The following PRDM11 variants were observed in gnomAD, a reference collection of about 807,000 sequenced individuals.
PRDM11 encodes the protein PR domain-containing protein 11.
A neutral mutation model predicts 97.8 loss-of-function variants in PRDM11; 20 were observed. The ratio of observed to expected loss-of-function variants is 0.20; its 90% CI spans 0.14 to 0.30. The LOEUF is 0.30. Among genes scored for constraint, PRDM11 ranks in the 10% least tolerant of loss-of-function variants. The pLI, the probability that PRDM11 is intolerant of heterozygous loss-of-function variation, is 1.00. For missense variants in PRDM11, 1,139 were observed against 1,555.2 expected (o/e 0.73, Z 4.50); for synonymous variants, 599 against 637.7 (o/e 0.94, Z 0.91).
intron 1 of PRDM11, among the ~76,000 whole-genome samples, chr11:45,164,175 G>A (rs1303966267): frequency 6.6e-6 from 1 of 152,222 alleles, no homozygotes; most frequent in Non-Finnish European, 1.5e-5. Flanking sequence ...CCAGCACCCC[G>A]CGGGTCCCCG....
intron 5 of PRDM11, among the ~76,000 whole-genome samples, chr11:45,215,306 T>C (rs922707734): frequency 2.6e-5 from 4 of 152,238 alleles, no homozygotes; most frequent in Non-Finnish European, 5.9e-5. Flanking sequence ...AGAGAGCTTC[T>C]CTCAGGCAGG....
At chr11:45,147,532 G>C (rs1310456405) in intron 1 of PRDM11, 1 of 152,174 alleles carries the variant, frequency 6.6e-6, no homozygotes, top group Non-Finnish European at 1.5e-5. Context: ...TAGACTCTTC[G>C]GGAAACCTCT....
At chr11:45,213,888 G>A (rs1057006615) in intron 5 of PRDM11, 8 of 374,696 alleles carry the variant, frequency 2.1e-5, no homozygotes, top group East Asian at 1.6e-4. Flanking sequence ...AGGAGGCAGG[G>A]GGCAGGTCTT....
chr11:45,180,672 C>CG (rs1406063388), intron 1 of PRDM11, among the ~76,000 whole-genome samples: 1 of 150,104 alleles, frequency 6.7e-6, no homozygotes, highest in South Asian at 2.1e-4. Context: ...GCCTGGCGGG[C>CG]GGGGGGCGGG....
At chr11:45,136,112 G>A (rs1337190446) in intron 1 of PRDM11, among the ~76,000 whole-genome samples, 1 of 152,170 alleles carries the variant, frequency 6.6e-6, no homozygotes, top group Non-Finnish European at 1.5e-5. Context: ...TAGTAATAGG[G>A]GGAACTGGGT....
chr11:45,096,030 C>T (rs1851883685), intron 1 of PRDM11: 1 of 683,460 alleles, frequency 1.5e-6, no homozygotes, highest in Admixed American at 2.1e-5. Flanking sequence ...TCATTAAAGC[C>T]CGCATTGTCC....
At chr11:45,149,598 G>A (rs1851610856) in intron 1 of PRDM11, among the ~76,000 whole-genome samples, 1 of 152,186 alleles carries the variant, frequency 6.6e-6, no homozygotes, top group African/African-American at 2.4e-5. Context: ...ACTGGCTGGT[G>A]AATTATAAAT....
upstream of PRDM11, among the ~76,000 whole-genome samples, chr11:45,142,033 A>C (rs140108003): frequency 2.1e-4 from 32 of 152,344 alleles, no homozygotes; most frequent in South Asian, 4.6e-3. Flanking sequence ...CGTTTGCTTC[A>C]ATCTCATCTA....
chr11:45,166,859 G>A (rs903873720), intron 1 of PRDM11, among the ~76,000 whole-genome samples: 2 of 152,224 alleles, frequency 1.3e-5, no homozygotes, highest in Non-Finnish European at 2.9e-5. Context: ...GGATCAGCCA[G>A]AGAAGCCCAA....
chr11:45,153,501 T>C (rs1851711657), intron 1 of PRDM11, among the ~76,000 whole-genome samples: 1 of 152,220 alleles, frequency 6.6e-6, no homozygotes, highest in Non-Finnish European at 1.5e-5. Flanking sequence ...GGGCCAGTCT[T>C]GGGCCATCTC....
chr11:45,208,233 T>TG (rs1853585494), intron 5 of PRDM11, among the ~76,000 whole-genome samples: 1 of 152,004 alleles, frequency 6.6e-6, no homozygotes, highest in South Asian at 2.1e-4. Flanking sequence ...TATGCAAAGG[T>TG]GGGGGCTTGG....
rs540876813 is a variant in PRDM11, at chr11:45,161,128, A to G, written c.-7+14251A>G. 2.5e-3 allele frequency among the ~76,000 whole-genome samples: 311 copies of G among 125,248 alleles called. 2 individuals carry two copies. Among genetic ancestry groups the G allele is most frequent in the South Asian group, 0.02 (75 of 3,742 alleles). The allele number at this position is 125,248 out of a possible 152,430, so 82.2% of individuals were successfully genotyped here. On this transcript the variant is annotated intron_variant, in intron 1 of 7. Coordinates refer to ENST00000683152, the MANE Select transcript of PRDM11 (RefSeq NM_001384648.1). Reference sequence around the variant, plus strand: ...TAGTTCTATCCTCTGTCCAATAGAGATAACAGCAGCACCTACATCCTGGCA... The same window carrying G: ...TAGTTCTATCCTCTGTCCAATAGAGGTAACAGCAGCACCTACATCCTGGCA...
intron 1 of PRDM11, 89 bp from the exon 2 acceptor site, chr11:45,181,672 A>G: frequency 9.3e-7 from 1 of 1,071,932 alleles, no homozygotes; most frequent in Non-Finnish European, 1.4e-6. Context: ...AGACTCCGCG[A>G]GACCCCCACT....
At chr11:45,131,926 T>C (rs1463705050) in intron 1 of PRDM11, among the ~76,000 whole-genome samples, 1 of 152,182 alleles carries the variant, frequency 6.6e-6, no homozygotes, top group Admixed American at 6.5e-5. Flanking sequence ...TGGTTTTTGT[T>C]TTCAGCCTAG....
chr11:45,134,839 T>C (rs1852805571), intron 1 of PRDM11, among the ~76,000 whole-genome samples: 3 of 152,110 alleles, frequency 2.0e-5, no homozygotes, highest in Non-Finnish European at 2.9e-5. Flanking sequence ...TATTTTATCC[T>C]AGAAATTCAA....
At chr11:45,149,367 T>C (rs1159518849) in intron 1 of PRDM11, among the ~76,000 whole-genome samples, 1 of 152,224 alleles carries the variant, frequency 6.6e-6, no homozygotes, top group East Asian at 1.9e-4. Flanking sequence ...CTCTCCTAGA[T>C]CTCTCTGAAC....
chr11:45,102,490 G>T (rs1030941337), intron 1 of PRDM11, among the ~76,000 whole-genome samples: 2 of 152,170 alleles, frequency 1.3e-5, no homozygotes, highest in Non-Finnish European at 2.9e-5. Context: ...CCCAGCTGGG[G>T]CCCCAACACT....
chr11:45,224,535 A>G lies in PRDM11; in HGVS notation c.1061A>G (p.Gln354Arg). ...QCATTMTHGV[Q>R]NIGQTQGEGD... ...GCAACAACAATGACCCATGGTGTGC[A>G]GAATATAGGCCAGACCCAGGGGGAG... The change falls in exon 7 of 8, where the codon CAG becomes CGG. Residue 354 changes from glutamine (Q) to arginine (R), a missense_variant. Gln to Arg is a conservative substitution (Grantham distance 43, BLOSUM62 1). Coordinates refer to ENST00000683152, the MANE Select transcript of PRDM11 (RefSeq NM_001384648.1). 6.2e-7 allele frequency: 1 copy of G among 1,614,166 alleles called. No individual in the cohort carries two copies. The highest frequency in any genetic ancestry group is 8.5e-7 in the Non-Finnish European group (1 of 1,180,030).
intron 1 of PRDM11, among the ~76,000 whole-genome samples, chr11:45,169,021 C>T (rs1565284355): frequency 2.0e-5 from 3 of 152,202 alleles, no homozygotes. Context: ...GGGCCCTCTT[C>T]CACAGGTACA....
Sources: gnomAD v4.1 joint callset for allele counts (sites outside exome capture counted in the v4.1 genomes callset) on GRCh38, gnomAD v4.1.1 for gene constraint, MANE v1.5 for transcripts, NCBI Gene and HGNC (gene_info 2026-07-23, HGNC 2026-07-21) for gene names.